NTRK3: variants seen among roughly 807,000 people sequenced by gnomAD.
NTRK3 encodes neurotrophic receptor tyrosine kinase 3.
In NTRK3, 24 loss-of-function variants were observed where a neutral mutation model predicts 91.7. That is an observed-to-expected ratio of 0.26 (90% CI 0.19 to 0.37). The LOEUF (loss-of-function observed/expected upper bound fraction) is 0.37. Ranked by LOEUF, NTRK3 falls within the 10% of genes least tolerant of loss-of-function variation. The pLI, the probability that NTRK3 is intolerant of heterozygous loss-of-function variation, is 1.00. For synonymous variants in NTRK3, 483 were observed against 404.0 expected, an observed-to-expected ratio of 1.20 and a Z score of -2.34; for missense variants, 880 against 1,068.9, an observed-to-expected ratio of 0.82 and a Z score of 2.46.
At chr15:87,946,142 G>A (rs895721314) in intron 14 of NTRK3, 2 of 152,236 alleles carry the variant, frequency 1.3e-5, no homozygotes, top group South Asian at 2.1e-4. Context: ...AAAATGGCAC[G>A]AGCTTGCCCA....
chr15:88,149,644 GACCACCTGAGGAC>G, intron 5 of NTRK3, among the ~76,000 whole-genome samples: 1 of 152,306 alleles, frequency 6.6e-6, no homozygotes, highest in East Asian at 1.9e-4. Flanking sequence ...CTGCAGTGAT[GACCACCTGAGGAC>G]ACCACCTGGG....
intron 3 of NTRK3, among the ~76,000 whole-genome samples, chr15:88,206,545 C>T (rs1179156655): frequency 1.3e-5 from 2 of 149,954 alleles, no homozygotes; most frequent in African/African-American, 2.5e-5. Flanking sequence ...GTAGTCCCAG[C>T]TACTCAGGAG....
At chr15:88,221,458 G>A (rs2141582600) in intron 3 of NTRK3, among the ~76,000 whole-genome samples, 1 of 152,300 alleles carries the variant, frequency 6.6e-6, no homozygotes, top group Admixed American at 6.5e-5. Flanking sequence ...CAAGGGCAGA[G>A]CCACATAACC....
chr15:87,924,810 T>C (rs749731719), intron 17 of NTRK3, among the ~76,000 whole-genome samples: 3 of 152,182 alleles, frequency 2.0e-5, no homozygotes, highest in Non-Finnish European at 4.4e-5. Flanking sequence ...TGCCAGGTAC[T>C]GTCACACAGG....
At chr15:87,944,899 C>CTT (rs2070297351) in intron 14 of NTRK3, among the ~76,000 whole-genome samples, 1 of 152,236 alleles carries the variant, frequency 6.6e-6, no homozygotes, top group Non-Finnish European at 1.5e-5. Context: ...TGGGTCCCTG[C>CTT]TTCTGCATGC....
intron 17 of NTRK3, among the ~76,000 whole-genome samples, chr15:87,919,590 G>C (rs865806812): frequency 9.9e-5 from 15 of 152,196 alleles, no homozygotes; most frequent in African/African-American, 3.4e-4. Context: ...AGAAAGGGTG[G>C]AGGTATAGGA....
At chr15:88,006,622 G>A (rs2076508284) in intron 14 of NTRK3, among the ~76,000 whole-genome samples, 1 of 152,190 alleles carries the variant, frequency 6.6e-6, no homozygotes, top group African/African-American at 2.4e-5. Context: ...CCCATGGGAT[G>A]GCATGATTCT....
intron 13 of NTRK3, among the ~76,000 whole-genome samples, chr15:88,038,194 T>C (rs1034651173): frequency 2.0e-5 from 3 of 152,214 alleles, no homozygotes; most frequent in African/African-American, 7.2e-5. Flanking sequence ...CTCACCCAGA[T>C]AGATTACAGA....
intron 5 of NTRK3, among the ~76,000 whole-genome samples, chr15:88,165,280 C>T (rs553514715): frequency 2.9e-4 from 44 of 152,244 alleles, no homozygotes; most frequent in Non-Finnish European, 5.7e-4. Context: ...ATGATTTACA[C>T]CTTGATCACA....
intron 6 of NTRK3, among the ~76,000 whole-genome samples, chr15:88,138,592 T>C (rs2042098865): frequency 6.6e-6 from 1 of 152,160 alleles, no homozygotes; most frequent in South Asian, 2.1e-4. Flanking sequence ...GACCTTGGTG[T>C]CTGCAAGGTC....
intron 14 of NTRK3, among the ~76,000 whole-genome samples, chr15:88,029,423 G>C (rs1029155076): frequency 1.3e-5 from 2 of 152,168 alleles, no homozygotes; most frequent in African/African-American, 4.8e-5. Flanking sequence ...GCAAGGAGAG[G>C]ACCAGCATCC....
At chr15:88,218,437 C>T (rs971535273) in intron 3 of NTRK3, among the ~76,000 whole-genome samples, 1 of 152,220 alleles carries the variant, frequency 6.6e-6, no homozygotes, top group East Asian at 1.9e-4. Context: ...CTTACTGGAT[C>T]TCTCTGAGCT....
chr15:88,067,252 T>G (rs1567327970), intron 13 of NTRK3, among the ~76,000 whole-genome samples: 1 of 152,168 alleles, frequency 6.6e-6, no homozygotes, highest in African/African-American at 2.4e-5. Context: ...TTCCTCAATA[T>G]TATTCTACTA....
At chr15:87,930,287 A>G (rs2068679727) in intron 16 of NTRK3, among the ~76,000 whole-genome samples, 1 of 152,136 alleles carries the variant, frequency 6.6e-6, no homozygotes, top group Non-Finnish European at 1.5e-5. Flanking sequence ...CATATCAGTC[A>G]CTTTTAGCAT....
intron 3 of NTRK3, among the ~76,000 whole-genome samples, chr15:88,254,448 A>G (rs1203705056): frequency 2.0e-5 from 3 of 152,114 alleles, no homozygotes; most frequent in Admixed American, 6.5e-5. Context: ...TGAACAGCAG[A>G]GCTGAGATAT....
At chr15:87,964,875 C>G (rs2072646386) in intron 14 of NTRK3, among the ~76,000 whole-genome samples, 1 of 152,186 alleles carries the variant, frequency 6.6e-6, no homozygotes, top group Non-Finnish European at 1.5e-5. Context: ...TTTTCTTTCT[C>G]CATTCACCAG....
chr15:88,053,138 G>C (rs1040304259), intron 13 of NTRK3, among the ~76,000 whole-genome samples: 1 of 152,186 alleles, frequency 6.6e-6, no homozygotes, highest in African/African-American at 2.4e-5. Context: ...TCTAAGGGGA[G>C]GGCAACAGAA....
At chr15:87,923,118 A>G (rs1178973222) in intron 17 of NTRK3, among the ~76,000 whole-genome samples, 1 of 152,186 alleles carries the variant, frequency 6.6e-6, no homozygotes, top group East Asian at 1.9e-4. Flanking sequence ...TGGATATGGG[A>G]TGATTTCCTG....
chr15:87,890,864 T>C (rs2065822137), intron 17 of NTRK3, among the ~76,000 whole-genome samples: 1 of 152,232 alleles, frequency 6.6e-6, no homozygotes. Flanking sequence ...GACCACAACA[T>C]GGATCGTTGG....
Sources: gnomAD v4.1 joint callset for allele counts (sites outside exome capture counted in the v4.1 genomes callset) on GRCh38, gnomAD v4.1.1 for gene constraint, MANE v1.5 for transcripts, NCBI Gene and HGNC (gene_info 2026-07-23, HGNC 2026-07-21) for gene names.